Variants in DCC observed in about 807,000 individuals in gnomAD.
The protein encoded by DCC is DCC netrin 1 receptor, also known as netrin receptor DCC.
DCC carries 58 observed loss-of-function variants against 172.5 expected under a neutral mutation model. The observed-to-expected ratio is 0.34, with a 90% confidence interval of 0.27 to 0.42. The LOEUF is 0.42. Ranked by LOEUF, DCC falls within the 10% of genes least tolerant of loss-of-function variation. DCC has a pLI of 1.00. For synonymous variants in DCC, 709 were observed against 644.5 expected, an observed-to-expected ratio of 1.10 and a Z score of -1.52; for missense variants, 1,740 against 1,791.0, an observed-to-expected ratio of 0.97 and a Z score of 0.51.
rs750007696 is a variant in DCC, at chr18:53,325,196, CAAAAAAA to C, written c.2164+3055_2164+3061del. Among the ~76,000 whole-genome samples the C allele has an allele frequency of 3.1e-3, 199 of 65,106 alleles. 2 individuals carry two copies. The highest frequency in any genetic ancestry group is 4.0e-3 in the Non-Finnish European group (148 of 37,104). 42.7% of individuals were successfully genotyped at this position (65,106 alleles called of 152,430 possible). A position where few individuals can be genotyped will look rare whatever the true frequency, so the allele number is the denominator to read the frequency against. ...AGACAGAGCAAGCAAGACTCCATCTCAAAAAAAAAAAAAAAAAAAAAAGTTTTATGCT... is the reference window on the plus strand; with the variant it reads ...AGACAGAGCAAGCAAGACTCCATCTCAAAAAAAAAAAAAAAGTTTTATGCT... On this transcript the variant is annotated intron_variant, in intron 14 of 28. Transcript: ENST00000442544.
At chr18:53,279,352 A>G (rs2056841262) in intron 12 of DCC, among the ~76,000 whole-genome samples, 1 of 151,924 alleles carries the variant, frequency 6.6e-6, no homozygotes, top group Admixed American at 6.6e-5. Context: ...TTGTAGGGAC[A>G]TGGATGAAGC....
intron 1 of DCC, among the ~76,000 whole-genome samples, chr18:52,663,761 C>T (rs949574568): frequency 6.6e-6 from 1 of 152,016 alleles, no homozygotes; most frequent in Non-Finnish European, 1.5e-5. Context: ...AGTCATTTAA[C>T]AATGTTAAAG....
intron 1 of DCC, among the ~76,000 whole-genome samples, chr18:52,352,687 C>T (rs186370675): frequency 1.3e-5 from 2 of 152,222 alleles, no homozygotes; most frequent in Admixed American, 6.5e-5. Context: ...GAGTGGCTCT[C>T]ATCTTGATTT....
chr18:53,335,796 C>T (rs2057584801), intron 14 of DCC, among the ~76,000 whole-genome samples: 1 of 152,118 alleles, frequency 6.6e-6, no homozygotes, highest in South Asian at 2.1e-4. Context: ...AATGGACTCA[C>T]AGCTCCACAT....
chr18:52,811,700 C>T (rs959352645), intron 2 of DCC, among the ~76,000 whole-genome samples: 1 of 152,120 alleles, frequency 6.6e-6, no homozygotes, highest in African/African-American at 2.4e-5. Flanking sequence ...AAGAAGAGAT[C>T]ATGCTTTGTA....
chr18:53,367,445 C>A (rs1447714026), intron 15 of DCC, among the ~76,000 whole-genome samples: 2 of 152,068 alleles, frequency 1.3e-5, no homozygotes, highest in African/African-American at 2.4e-5. Flanking sequence ...TGAAATATAA[C>A]AAAGTATAGA....
At chr18:52,995,611 A>G (rs903644231) in intron 5 of DCC, among the ~76,000 whole-genome samples, 6 of 152,008 alleles carry the variant, frequency 3.9e-5, no homozygotes, top group African/African-American at 1.4e-4. Flanking sequence ...ACCTAGGTGA[A>G]CAGAGCATAC....
intron 15 of DCC, among the ~76,000 whole-genome samples, chr18:53,384,815 GT>G (rs2144991217): frequency 6.7e-6 from 1 of 149,020 alleles, no homozygotes; most frequent in South Asian, 2.2e-4. Flanking sequence ...ATTTTTTCTT[GT>G]GCTAATTTTG....
chr18:53,296,147 G>T (rs1476146776), intron 12 of DCC, among the ~76,000 whole-genome samples: 1 of 152,082 alleles, frequency 6.6e-6, no homozygotes, highest in African/African-American at 2.4e-5. Context: ...CAAATAAGTA[G>T]GTCCATATTC....
At chr18:52,766,232 G>A (rs1185556223) in intron 2 of DCC, among the ~76,000 whole-genome samples, 3 of 152,212 alleles carry the variant, frequency 2.0e-5, no homozygotes, top group Admixed American at 2.0e-4. Flanking sequence ...GCCAGCAGGA[G>A]CAAACTCTAT....
At chr18:52,819,781 C>T (rs1357954747) in intron 2 of DCC, among the ~76,000 whole-genome samples, 5 of 151,578 alleles carry the variant, frequency 3.3e-5, no homozygotes, top group East Asian at 1.9e-4. Flanking sequence ...TGCAATGGCG[C>T]GATCTCTGCT....
chr18:52,416,389 C>T (rs1469635998), intron 1 of DCC, among the ~76,000 whole-genome samples: 2 of 151,882 alleles, frequency 1.3e-5, no homozygotes, highest in Non-Finnish European at 2.9e-5. Flanking sequence ...TCTATTAGGT[C>T]CGCTTGGTGC....
At chr18:52,749,860 G>C (rs2036968353) in intron 1 of DCC, among the ~76,000 whole-genome samples, 1 of 152,180 alleles carries the variant, frequency 6.6e-6, no homozygotes, top group African/African-American at 2.4e-5. Flanking sequence ...TTCTAATATA[G>C]TTGCCTGCTC....
chr18:52,944,631 C>G (rs991756444), intron 5 of DCC, among the ~76,000 whole-genome samples: 2 of 152,160 alleles, frequency 1.3e-5, no homozygotes, highest in Admixed American at 6.5e-5. Context: ...AGACCAGAAA[C>G]AGGATCACAT....
intron 1 of DCC, among the ~76,000 whole-genome samples, chr18:52,578,942 C>G (rs2033481814): frequency 6.6e-6 from 1 of 152,150 alleles, no homozygotes; most frequent in Non-Finnish European, 1.5e-5. Flanking sequence ...GATCACGCCA[C>G]TGCACTCCAG....
chr18:52,761,529 CAAT>C (rs1250042341), intron 2 of DCC, among the ~76,000 whole-genome samples: 2 of 152,090 alleles, frequency 1.3e-5, no homozygotes, highest in Non-Finnish European at 2.9e-5. Flanking sequence ...TAACATAAAA[CAAT>C]AACAATAAAA....
chr18:53,445,323 A>G (rs919716930), intron 22 of DCC, among the ~76,000 whole-genome samples: 3 of 152,196 alleles, frequency 2.0e-5, no homozygotes, highest in Non-Finnish European at 4.4e-5. Flanking sequence ...ATCAGGGTAA[A>G]CTGCAATTGT....
At chr18:53,530,541 C>G (rs1480197076) in intron 28 of DCC, 23 bp from the exon 29 acceptor site, 2 of 1,275,710 alleles carry the variant, frequency 1.6e-6, no homozygotes, top group Admixed American at 1.7e-5. Context: ...GTTACTAACT[C>G]TTGGCTCTCA....
At chr18:52,538,819 T>C (rs1259382715) in intron 1 of DCC, among the ~76,000 whole-genome samples, 1 of 152,222 alleles carries the variant, frequency 6.6e-6, no homozygotes, top group Non-Finnish European at 1.5e-5. Flanking sequence ...AGAAGTTATC[T>C]GTTCTCCTTT....
Sources: gnomAD v4.1 joint callset for allele counts (sites outside exome capture counted in the v4.1 genomes callset) on GRCh38, gnomAD v4.1.1 for gene constraint, MANE v1.5 for transcripts, NCBI Gene and HGNC (gene_info 2026-07-23, HGNC 2026-07-21) for gene names.